The following TSPAN11 variants were observed in gnomAD, a reference collection of about 807,000 sequenced individuals.
The protein encoded by TSPAN11 is tetraspanin-11.
A neutral mutation model predicts 32.9 loss-of-function variants in TSPAN11; 29 were observed. The ratio of observed to expected loss-of-function variants is 0.88; its 90% confidence interval spans 0.66 to 1.20. The LOEUF is 1.20. Among genes scored for constraint, TSPAN11 ranks in the 50% most tolerant of loss-of-function variants. TSPAN11 has a pLI of 0.00. For synonymous variants in TSPAN11, 140 were observed against 141.3 expected (o/e 0.99, Z 0.07); for missense variants, 283 against 329.1 (o/e 0.86, Z 1.08).
chr12:30,949,841 C>G (rs73088047), intron 1 of TSPAN11, among the ~76,000 whole-genome samples: 16,200 of 152,182 alleles, frequency 0.11, 946 homozygotes, highest in East Asian at 0.25. Context: ...ATTTGACTGA[C>G]ACCTCTTGAC....
intron 3 of TSPAN11, among the ~76,000 whole-genome samples, chr12:30,978,118 T>A (rs1396236722): frequency 6.6e-6 from 1 of 152,206 alleles, no homozygotes; most frequent in East Asian, 1.9e-4. Context: ...TATTCAGTCC[T>A]TAAAGATGTT....
At chr12:31,011,981 G>A in the TSPAN11 span, among the ~76,000 whole-genome samples, 1 of 152,210 alleles carries the variant, frequency 6.6e-6, no homozygotes. Flanking sequence ...CGGGGTCCCC[G>A]TCTCCTTAGA....
At chr12:30,970,710 C>G (rs980151141) in intron 3 of TSPAN11, among the ~76,000 whole-genome samples, 1 of 152,164 alleles carries the variant, frequency 6.6e-6, no homozygotes, top group Non-Finnish European at 1.5e-5. Flanking sequence ...CAACCTTTGG[C>G]GTGGTTGCAG....
chr12:30,943,133 G>A (rs1454880219), intron 1 of TSPAN11, among the ~76,000 whole-genome samples: 1 of 152,198 alleles, frequency 6.6e-6, no homozygotes, highest in Non-Finnish European at 1.5e-5. Flanking sequence ...GTTCCCTTAA[G>A]GGTCGGAGAA....
At chr12:30,960,473 G>A (rs922713078) in intron 2 of TSPAN11, among the ~76,000 whole-genome samples, 1 of 151,918 alleles carries the variant, frequency 6.6e-6, no homozygotes. Context: ...CTATGGTAGC[G>A]AGACAAAGAA....
At chr12:30,962,729 C>T (rs1393055871) in intron 2 of TSPAN11, among the ~76,000 whole-genome samples, 1 of 152,078 alleles carries the variant, frequency 6.6e-6, no homozygotes, top group Admixed American at 6.5e-5. Flanking sequence ...GAGGAAGCAT[C>T]CCACACCCAT....
intron 3 of TSPAN11, among the ~76,000 whole-genome samples, chr12:30,967,281 A>T (rs1938752388): frequency 6.6e-6 from 1 of 152,192 alleles, no homozygotes; most frequent in African/African-American, 2.4e-5. Context: ...CTTAGTCTGG[A>T]TGGCCTGCCC....
At chr12:30,991,800 G>T (rs61916754) in intron 7 of TSPAN11, 56 bp from the exon 8 acceptor site, 2 of 1,601,630 alleles carry the variant, frequency 1.2e-6, no homozygotes, top group Admixed American at 3.3e-5. Context: ...CCTGAGGGCC[G>T]GCAGCTTCCA....
chr12:30,981,751 C>T (rs1218859873), intron 5 of TSPAN11, among the ~76,000 whole-genome samples: 3 of 152,330 alleles, frequency 2.0e-5, no homozygotes, highest in East Asian at 1.9e-4. Context: ...CAAGTTTCTT[C>T]GCTCCAGGCA....
chr12:30,948,059 T>C (rs967579603), intron 1 of TSPAN11, among the ~76,000 whole-genome samples: 45 of 152,120 alleles, frequency 3.0e-4, no homozygotes, highest in African/African-American at 9.9e-4. Context: ...AGCAGGGCAG[T>C]CAAATTTCAA....
intron 1 of TSPAN11, among the ~76,000 whole-genome samples, chr12:30,953,134 T>C (rs1333508891): frequency 6.6e-6 from 1 of 152,006 alleles, no homozygotes; most frequent in Non-Finnish European, 1.5e-5. Context: ...AAGACGGGAG[T>C]TTTAGGACTA....
intron 2 of TSPAN11, among the ~76,000 whole-genome samples, chr12:30,958,371 G>C (rs1299055428): frequency 6.6e-6 from 1 of 152,222 alleles, no homozygotes; most frequent in Non-Finnish European, 1.5e-5. Flanking sequence ...AGCATGGGCA[G>C]AGCTGGGGAG....
intron 3 of TSPAN11, among the ~76,000 whole-genome samples, chr12:30,972,709 A>G (rs572917514): frequency 1.3e-5 from 2 of 151,738 alleles, no homozygotes; most frequent in African/African-American, 4.8e-5. Context: ...ATCCATGGCC[A>G]TGAACCCAGG....
At chr12:30,961,218 G>A (rs927593369) in intron 2 of TSPAN11, among the ~76,000 whole-genome samples, 63 of 151,922 alleles carry the variant, frequency 4.1e-4, no homozygotes, top group African/African-American at 1.4e-3. Flanking sequence ...GACTTAGGCA[G>A]TTTCCAGGCG....
chr12:30,971,923 C>A (rs1274806303), intron 3 of TSPAN11, among the ~76,000 whole-genome samples: 1 of 151,894 alleles, frequency 6.6e-6, no homozygotes, highest in Non-Finnish European at 1.5e-5. Flanking sequence ...TAGAAAATAT[C>A]CAGTTTTGCT....
intron 7 of TSPAN11, among the ~76,000 whole-genome samples, chr12:30,990,882 C>G (rs1007399213): frequency 6.6e-6 from 1 of 152,218 alleles, no homozygotes; most frequent in Non-Finnish European, 1.5e-5. Flanking sequence ...CCAGTGCCCC[C>G]TCCTGTGTGC....
intron 6 of TSPAN11, 47 bp downstream of exon 6, chr12:30,982,737 G>C: frequency 6.6e-7 from 1 of 1,513,648 alleles, no homozygotes. Flanking sequence ...GCCCTGGCCT[G>C]GCCGTTCAGG....
chr12:30,959,011 C>T (rs183281264), intron 2 of TSPAN11, among the ~76,000 whole-genome samples: 21 of 152,220 alleles, frequency 1.4e-4, no homozygotes, highest in African/African-American at 5.1e-4. Flanking sequence ...GTGGACTGCC[C>T]CTTTAAAAAT....
intron 6 of TSPAN11, 113 bp downstream of exon 6, chr12:30,982,803 C>A: frequency 7.0e-7 from 1 of 1,418,988 alleles, no homozygotes; most frequent in Non-Finnish European, 9.4e-7. Flanking sequence ...GACACATGTG[C>A]TCCTTGGCCA....
Sources: allele counts gnomAD v4.1 joint callset (sites outside exome capture counted in the v4.1 genomes callset), GRCh38; gene constraint gnomAD v4.1.1; transcripts MANE v1.5; gene names NCBI Gene and HGNC (gene_info 2026-07-23, HGNC 2026-07-21).